CCSER1: variants seen among roughly 807,000 people sequenced by gnomAD.
CCSER1 encodes the protein coiled-coil serine rich protein 1.
Under a neutral mutation model 82.0 loss-of-function variants are expected in CCSER1, and 41 were observed. The ratio of observed to expected loss-of-function variants is 0.50; its 90% CI spans 0.39 to 0.65. The LOEUF is 0.65. CCSER1 is among the 30% of genes least tolerant of loss of function. CCSER1 has a pLI of 0.00. For synonymous variants in CCSER1, 414 were observed against 383.9 expected (o/e 1.08, Z -0.92); for missense variants, 1,119 against 1,064.2 (o/e 1.05, Z -0.72).
Position 90,822,643 on chromosome 4 carries a change from G to A in CCSER1, c.2094+6798G>A, listed in dbSNP as rs535983297. ...CTCCCGAGGCTGAGACAGGAGAATCGTTTGAACCTGGGAGGCGGAGGCTGC... is the reference window on the plus strand; with the variant it reads ...CTCCCGAGGCTGAGACAGGAGAATCATTTGAACCTGGGAGGCGGAGGCTGC... On this transcript the variant is annotated intron_variant, in intron 8 of 10. Coordinates refer to ENST00000509176, the MANE Select transcript of CCSER1 (RefSeq NM_001145065.2). Among the ~76,000 whole-genome samples, 177 of 148,984 alleles carry A rather than the reference G, an allele frequency of 1.2e-3. 1 individual carries two copies. Among genetic ancestry groups the A allele is most frequent in the African/African-American group, 4.2e-3 (171 of 40,444 alleles).
intron 10 of CCSER1, among the ~76,000 whole-genome samples, chr4:91,217,130 C>T (rs1737308128): frequency 6.6e-6 from 1 of 151,942 alleles, no homozygotes; most frequent in Admixed American, 6.5e-5. Flanking sequence ...AGCTGCAGAC[C>T]TTCACGGTGA....
chr4:90,972,403 TAA>T (rs981884715), intron 9 of CCSER1, among the ~76,000 whole-genome samples: 1 of 151,608 alleles, frequency 6.6e-6, no homozygotes, highest in Non-Finnish European at 1.5e-5. Flanking sequence ...AAAATGAAAT[TAA>T]GACAGCAACA....
chr4:91,182,249 G>T (rs545741881), intron 10 of CCSER1, among the ~76,000 whole-genome samples: 1 of 152,084 alleles, frequency 6.6e-6, no homozygotes, highest in Non-Finnish European at 1.5e-5. Context: ...TGTCTTGATG[G>T]TATCCAAATT....
intron 10 of CCSER1, among the ~76,000 whole-genome samples, chr4:91,485,055 C>T (rs1269375633): frequency 6.6e-6 from 1 of 152,036 alleles, no homozygotes; most frequent in Admixed American, 6.6e-5. Flanking sequence ...ATCCAAGAGC[C>T]CTATACCTAA....
intron 10 of CCSER1, among the ~76,000 whole-genome samples, chr4:91,208,342 AG>A (rs879031731): frequency 1.3e-5 from 2 of 151,848 alleles, no homozygotes; most frequent in African/African-American, 4.8e-5. Context: ...ATTATCTTCC[AG>A]GGTTTTTATA....
chr4:91,378,262 A>G (rs760589557), intron 10 of CCSER1, among the ~76,000 whole-genome samples: 1 of 152,176 alleles, frequency 6.6e-6, no homozygotes, highest in Non-Finnish European at 1.5e-5. Context: ...TGAACTTTAA[A>G]GTAGATTTTT....
intron 7 of CCSER1, among the ~76,000 whole-genome samples, chr4:90,757,883 A>G (rs183779816): frequency 6.6e-6 from 1 of 152,078 alleles, no homozygotes; most frequent in Non-Finnish European, 1.5e-5. Flanking sequence ...GGCAAAGCTC[A>G]AAGTGGGGAC....
intron 1 of CCSER1, among the ~76,000 whole-genome samples, chr4:90,135,710 G>A (rs942897095): frequency 4.6e-5 from 7 of 152,206 alleles, no homozygotes; most frequent in Non-Finnish European, 8.8e-5. Context: ...TTTGCTGAAT[G>A]TAACCTTTCC....
chr4:90,832,985 TAAAGAC>T (rs1305034079), intron 8 of CCSER1, among the ~76,000 whole-genome samples: 1 of 152,238 alleles, frequency 6.6e-6, no homozygotes, highest in African/African-American at 2.4e-5. Flanking sequence ...GGTGTTACTT[TAAAGAC>T]AATGGTCTTT....
At chr4:91,510,690 ATTTC>A (rs1187158457) in intron 10 of CCSER1, among the ~76,000 whole-genome samples, 1 of 152,030 alleles carries the variant, frequency 6.6e-6, no homozygotes, top group African/African-American at 2.4e-5. Context: ...TTACTTATTG[ATTTC>A]TTTAAGTTCC....
chr4:91,102,877 T>G (rs1725220670), intron 10 of CCSER1, among the ~76,000 whole-genome samples: 1 of 152,222 alleles, frequency 6.6e-6, no homozygotes. Context: ...ATTCCCTTCT[T>G]AATTACAAAT....
chr4:91,175,285 G>A (rs189316572), intron 10 of CCSER1, among the ~76,000 whole-genome samples: 1 of 152,220 alleles, frequency 6.6e-6, no homozygotes, highest in East Asian at 1.9e-4. Context: ...ATAAACATAT[G>A]TATGCATGTG....
Position 91,599,111 on chromosome 4 carries a change from G to T in CCSER1, c.*54G>T. The T allele has an allele frequency of 6.9e-7, 1 of 1,448,664 alleles. No individual in the cohort carries two copies. Among genetic ancestry groups the T allele is most frequent in the Non-Finnish European group, 9.2e-7 (1 of 1,092,650 alleles). The allele number at this position is 1,448,664 out of a possible 1,614,324, so 89.7% of individuals were successfully genotyped here. A position where few individuals can be genotyped will look rare whatever the true frequency, so the allele number is the denominator to read the frequency against. On this transcript the variant is annotated 3_prime_UTR_variant, in exon 11 of 11. Transcript: ENST00000509176. ...AGGATAAAGATGGTTAGTGTTTCTC[G>T]TGCATAGTTCATATTAAAATTGTCA...
chr4:91,238,308 A>G (rs1739177446), intron 10 of CCSER1, among the ~76,000 whole-genome samples: 1 of 152,162 alleles, frequency 6.6e-6, no homozygotes, highest in African/African-American at 2.4e-5. Context: ...GTCAGAGCTA[A>G]GAGCAGTTCT....
intron 10 of CCSER1, among the ~76,000 whole-genome samples, chr4:91,597,529 G>C (rs574760346): frequency 6.6e-6 from 1 of 152,162 alleles, no homozygotes; most frequent in East Asian, 1.9e-4. Flanking sequence ...TTACTGAGAA[G>C]GGAAATTCTT....
intron 7 of CCSER1, among the ~76,000 whole-genome samples, chr4:90,792,127 T>C (rs1032493609): frequency 6.6e-6 from 1 of 152,174 alleles, no homozygotes; most frequent in Non-Finnish European, 1.5e-5. Flanking sequence ...CTGATACCAG[T>C]GTTTAAGGTG....
intron 10 of CCSER1, among the ~76,000 whole-genome samples, chr4:91,241,734 A>T (rs1739384983): frequency 6.6e-6 from 1 of 152,164 alleles, no homozygotes; most frequent in Non-Finnish European, 1.5e-5. Context: ...TACTTTTAAA[A>T]TTTTATTTAC....
At chr4:90,725,010 A>C in intron 7 of CCSER1, 1 of 442,722 alleles carries the variant, frequency 2.3e-6, no homozygotes, top group Non-Finnish European at 4.6e-6. Flanking sequence ...AATGAGAGTC[A>C]AATATTTGTT....
chr4:90,570,762 C>T (rs908768238), intron 5 of CCSER1, among the ~76,000 whole-genome samples: 12 of 152,144 alleles, frequency 7.9e-5, no homozygotes, highest in African/African-American at 2.9e-4. Flanking sequence ...CACTGAAATA[C>T]TGAAGGTATG....
Sources: allele counts gnomAD v4.1 joint callset (sites outside exome capture counted in the v4.1 genomes callset), GRCh38; gene constraint gnomAD v4.1.1; transcripts MANE v1.5; gene names NCBI Gene and HGNC (gene_info 2026-07-23, HGNC 2026-07-21).